DAP3: variants seen among roughly 807,000 people sequenced by gnomAD.
DAP3 encodes death associated protein 3.
Under a neutral mutation model 51.9 loss-of-function variants are expected in DAP3, and 28 were observed. That is an observed-to-expected ratio of 0.54 (90% CI 0.40 to 0.74). The LOEUF (loss-of-function observed/expected upper bound fraction) is 0.74, where lower values mean the gene tolerates loss of function less well. DAP3 is among the 30% of genes least tolerant of loss of function. The pLI is 0.00. For synonymous variants in DAP3, 170 were observed against 170.3 expected, an observed-to-expected ratio of 1.00 and a Z score of 0.01; for missense variants, 458 against 483.5, an observed-to-expected ratio of 0.95 and a Z score of 0.49.
chr1:155,728,300 A>G lies in DAP3; in HGVS notation c.603+562A>G, dbSNP rs1252200253. Among the ~76,000 whole-genome samples the G allele has an allele frequency of 3.9e-5, 6 of 152,278 alleles. No individual in the cohort carries two copies. In the East Asian group the frequency reaches 1.2e-3, roughly 29 times the overall value. ...ACTTTGGTCAGGCACAGGGGCTCAC[A>G]CCTGTAATGTCAGCACTTTGGGAGG... On this transcript the variant is annotated intron_variant, in intron 7 of 12. Transcript: ENST00000368336.
intron 11 of DAP3, among the ~76,000 whole-genome samples, chr1:155,735,005 C>T (rs1019769152): frequency 5.9e-5 from 9 of 151,262 alleles, no homozygotes; most frequent in Non-Finnish European, 1.3e-4. Flanking sequence ...TGGCTCATGC[C>T]TATAATCCCA....
At chr1:155,730,586 A>G (rs1173955267) in intron 9 of DAP3, among the ~76,000 whole-genome samples, 1 of 152,166 alleles carries the variant, frequency 6.6e-6, no homozygotes, top group East Asian at 1.9e-4. Flanking sequence ...ACTGCATTCC[A>G]GGCTGGGCAA....
intron 7 of DAP3, 51 bp from the exon 8 acceptor site, chr1:155,728,991 T>C: frequency 6.3e-7 from 1 of 1,594,182 alleles, no homozygotes; most frequent in Non-Finnish European, 8.6e-7. Context: ...GGTTTCACCC[T>C]TAGGCCAAGT....
upstream of DAP3, chr1:155,688,298 C>T: frequency 1.3e-6 from 2 of 1,568,842 alleles, no homozygotes; most frequent in Non-Finnish European, 1.7e-6. Context: ...GATCGTTTCC[C>T]CTCGCAAAGC....
intron 4 of DAP3, among the ~76,000 whole-genome samples, chr1:155,724,018 G>A (rs1264187880): frequency 6.9e-6 from 1 of 144,416 alleles, no homozygotes; most frequent in Non-Finnish European, 1.5e-5. Context: ...CAGCCTGTGC[G>A]ACAGAGCGAG....
chr1:155,697,866 C>G (rs1654727635), intron 1 of DAP3, among the ~76,000 whole-genome samples: 1 of 152,168 alleles, frequency 6.6e-6, no homozygotes, highest in Non-Finnish European at 1.5e-5. Flanking sequence ...TCCCTTATCT[C>G]CAACTGCATA....
At chr1:155,733,099 A>G (rs1659413180) in intron 11 of DAP3, among the ~76,000 whole-genome samples, 1 of 152,202 alleles carries the variant, frequency 6.6e-6, no homozygotes. Flanking sequence ...GTCATTTGAA[A>G]TCTTTATGTT....
chr1:155,729,465 T>G (rs542193562), intron 9 of DAP3, 99 bp downstream of exon 9: 166 of 1,453,188 alleles, frequency 1.1e-4, no homozygotes, highest in Admixed American at 2.0e-4. Flanking sequence ...TATGTTTTCT[T>G]GCCCTAGGAA....
chr1:155,691,228 ATTT>A (rs940287805), intron 1 of DAP3, among the ~76,000 whole-genome samples: 9 of 141,808 alleles, frequency 6.3e-5, no homozygotes, highest in South Asian at 2.1e-4. Context: ...ACTTTAGAAC[ATTT>A]TTTATCACCC....
intron 1 of DAP3, among the ~76,000 whole-genome samples, chr1:155,698,691 G>A (rs935995638): frequency 5.9e-5 from 9 of 152,024 alleles, no homozygotes; most frequent in African/African-American, 2.2e-4. Flanking sequence ...TCTCTGTTCC[G>A]GGAACCAAGG....
chr1:155,725,567 A>G (rs1658478995), intron 5 of DAP3, 77 bp downstream of exon 5: 1 of 1,404,232 alleles, frequency 7.1e-7, no homozygotes, highest in Admixed American at 1.7e-5. Context: ...AGAAATGAAA[A>G]AAAGTACTGT....
At chr1:155,735,832 T>C (rs1429234259) in intron 11 of DAP3, among the ~76,000 whole-genome samples, 1 of 141,072 alleles carries the variant, frequency 7.1e-6, no homozygotes, top group African/African-American at 2.8e-5. Context: ...TCACCACGCC[T>C]GGCTAATTTT....
intron 12 of DAP3, among the ~76,000 whole-genome samples, chr1:155,737,335 G>A (rs1225797025): frequency 6.6e-6 from 1 of 152,148 alleles, no homozygotes; most frequent in African/African-American, 2.4e-5. Flanking sequence ...AGGTAATTGG[G>A]TTCCTGCCAC....
intron 3 of DAP3, among the ~76,000 whole-genome samples, chr1:155,718,592 C>T (rs1657598452): frequency 6.6e-6 from 1 of 150,596 alleles, no homozygotes; most frequent in African/African-American, 2.5e-5. Flanking sequence ...GAGACTGAGG[C>T]AGGAGAATGG....
At chr1:155,721,911 T>C (rs1344356606) in intron 4 of DAP3, 1 of 503,758 alleles carries the variant, frequency 2.0e-6, no homozygotes, top group East Asian at 2.9e-5. Flanking sequence ...AAATAGTTAA[T>C]ATGCTGCACA....
chr1:155,738,091 G>A (rs1344641023), intron 12 of DAP3, 66 bp from the exon 13 acceptor site: 11 of 1,516,854 alleles, frequency 7.3e-6, no homozygotes, highest in African/African-American at 1.4e-5. Context: ...CTGACTACAC[G>A]ATATTCTGGG....
upstream of DAP3, chr1:155,689,002 C>A: frequency 6.3e-7 from 1 of 1,596,458 alleles, no homozygotes; most frequent in Non-Finnish European, 8.5e-7. Flanking sequence ...GGATCGAGGG[C>A]GGCCTAGCGC....
intron 4 of DAP3, among the ~76,000 whole-genome samples, chr1:155,723,436 C>T (rs1224967098): frequency 6.6e-6 from 1 of 152,202 alleles, no homozygotes; most frequent in Non-Finnish European, 1.5e-5. Context: ...TCAAGTGATT[C>T]TCCTGCCTCA....
intron 11 of DAP3, among the ~76,000 whole-genome samples, chr1:155,735,833 G>A (rs1479772073): frequency 3.5e-5 from 5 of 144,664 alleles, no homozygotes; most frequent in Non-Finnish European, 7.5e-5. Context: ...CACCACGCCT[G>A]GCTAATTTTT....
Sources: gnomAD v4.1 joint callset for allele counts (sites outside exome capture counted in the v4.1 genomes callset) on GRCh38, gnomAD v4.1.1 for gene constraint, MANE v1.5 for transcripts, NCBI Gene and HGNC (gene_info 2026-07-23, HGNC 2026-07-21) for gene names.